The following PSD3 variants were observed in gnomAD, a reference collection of about 807,000 sequenced individuals.
PSD3 encodes pleckstrin and Sec7 domain containing 3, also known as PH and SEC7 domain-containing protein 3.
A neutral mutation model predicts 105.5 loss-of-function variants in PSD3; 49 were observed. The ratio of observed to expected loss-of-function variants is 0.46; its 90% CI spans 0.37 to 0.59. PSD3 has a LOEUF of 0.59. Among genes scored for constraint, PSD3 ranks in the 20% least tolerant of loss-of-function variants. The pLI, the probability that PSD3 is intolerant of heterozygous loss-of-function variation, is 0.00. For synonymous variants in PSD3, 557 were observed against 457.8 expected (o/e 1.22, Z -2.77); for missense variants, 1,561 against 1,263.8 (o/e 1.24, Z -3.57).
At chr8:18,803,825 T>A (rs566237491) in intron 6 of PSD3, among the ~76,000 whole-genome samples, 1 of 152,114 alleles carries the variant, frequency 6.6e-6, no homozygotes, top group South Asian at 2.1e-4. Flanking sequence ...GAGCTTCAGT[T>A]TTACAAGAAG....
chr8:18,983,087 T>C (rs1004986451), intron 1 of PSD3, among the ~76,000 whole-genome samples: 1 of 152,252 alleles, frequency 6.6e-6, no homozygotes, highest in Non-Finnish European at 1.5e-5. Flanking sequence ...AATAACTTGA[T>C]GCAGCTTCTA....
chr8:18,795,245 T>C lies in PSD3; in HGVS notation c.2082+4050A>G, dbSNP rs117918932. Among the ~76,000 whole-genome samples the C allele has an allele frequency of 1.6e-3, 245 of 152,272 alleles. 1 individual carries two copies. The highest frequency in any genetic ancestry group is 0.011 in the South Asian group (51 of 4,820). ...ACATTAGTAAGGTCGTGCCTGATCATTAAACTCAGACCACAGGGCATGATA... is the reference window on the plus strand; with the variant it reads ...ACATTAGTAAGGTCGTGCCTGATCACTAAACTCAGACCACAGGGCATGATA... On this transcript the variant is annotated intron_variant, in intron 8 of 15. Transcript: ENST00000327040.
intron 1 of PSD3, among the ~76,000 whole-genome samples, chr8:18,963,820 T>C (rs560755787): frequency 6.6e-5 from 10 of 152,204 alleles, no homozygotes; most frequent in Non-Finnish European, 1.5e-4. Flanking sequence ...AAATATGTCA[T>C]TGAAAAGAGT....
chr8:18,615,624 T>C (rs573981825), intron 11 of PSD3, among the ~76,000 whole-genome samples: 12 of 152,362 alleles, frequency 7.9e-5, no homozygotes, highest in African/African-American at 2.9e-4. Flanking sequence ...AAATCAAGCA[T>C]ACTATGATTT....
At chr8:18,743,943 G>C (rs1327295810) in intron 9 of PSD3, among the ~76,000 whole-genome samples, 4 of 134,998 alleles carry the variant, frequency 3.0e-5, no homozygotes, top group Admixed American at 7.7e-5. Flanking sequence ...CTGGGTGAAA[G>C]TGCAAACTCT....
intron 4 of PSD3, among the ~76,000 whole-genome samples, chr8:18,818,044 C>A (rs1812364850): frequency 6.6e-6 from 1 of 152,168 alleles, no homozygotes; most frequent in African/African-American, 2.4e-5. Flanking sequence ...ACCTCTGCCT[C>A]CCCGGTTCAA....
chr8:18,959,163 C>T (rs1205791208), intron 1 of PSD3, among the ~76,000 whole-genome samples: 3 of 152,162 alleles, frequency 2.0e-5, no homozygotes, highest in Non-Finnish European at 2.9e-5. Context: ...TCAAGTGACC[C>T]GCCCGACTCG....
chr8:18,926,352 A>G (rs1821361368), intron 2 of PSD3, among the ~76,000 whole-genome samples: 1 of 151,518 alleles, frequency 6.6e-6, no homozygotes, highest in Non-Finnish European at 1.5e-5. Context: ...ATTATAAAAC[A>G]AATGAATTTC....
At chr8:19,070,848 A>G (rs952209618) in intron 1 of PSD3, among the ~76,000 whole-genome samples, 3 of 152,224 alleles carry the variant, frequency 2.0e-5, no homozygotes, top group African/African-American at 4.8e-5. Context: ...AGGACATTGT[A>G]TCCAGATAAT....
At chr8:18,567,435 T>C (rs1176245646) in intron 14 of PSD3, among the ~76,000 whole-genome samples, 1 of 152,182 alleles carries the variant, frequency 6.6e-6, no homozygotes, top group East Asian at 1.9e-4. Flanking sequence ...TTTAGTTGGA[T>C]AGATGGAGAT....
At chr8:18,989,798 C>T (rs187241485) in intron 1 of PSD3, among the ~76,000 whole-genome samples, 1 of 152,292 alleles carries the variant, frequency 6.6e-6, no homozygotes, top group Admixed American at 6.5e-5. Flanking sequence ...TATGCCCAAC[C>T]AAGTGGCTAT....
intron 1 of PSD3, among the ~76,000 whole-genome samples, chr8:18,937,580 C>T (rs547630550): frequency 6.6e-6 from 1 of 152,190 alleles, no homozygotes; most frequent in South Asian, 2.1e-4. Context: ...GCACAACATT[C>T]AGACAGCAAT....
chr8:18,942,425 A>T (rs1822605721), intron 1 of PSD3, among the ~76,000 whole-genome samples: 1 of 152,212 alleles, frequency 6.6e-6, no homozygotes, highest in South Asian at 2.1e-4. Context: ...AGACAGGGAC[A>T]AGAAGCTCAA....
At chr8:18,815,753 C>A (rs558610283) in intron 4 of PSD3, among the ~76,000 whole-genome samples, 60 of 123,040 alleles carry the variant, frequency 4.9e-4, no homozygotes, top group African/African-American at 1.8e-3. Flanking sequence ...CATGGCCGTA[C>A]GGTCTCACCT....
chr8:19,059,743 G>C (rs1828833557), intron 1 of PSD3, among the ~76,000 whole-genome samples: 1 of 152,230 alleles, frequency 6.6e-6, no homozygotes, highest in South Asian at 2.1e-4. Context: ...TAAAGATAAA[G>C]GAGACAGGAA....
At chr8:19,059,940 G>A (rs763135890) in intron 1 of PSD3, among the ~76,000 whole-genome samples, 4 of 152,328 alleles carry the variant, frequency 2.6e-5, no homozygotes, top group Admixed American at 6.5e-5. Flanking sequence ...CAGCAATGGG[G>A]CAGGACTTGG....
intron 9 of PSD3, among the ~76,000 whole-genome samples, chr8:18,656,985 G>T (rs766783988): frequency 6.6e-6 from 1 of 152,178 alleles, no homozygotes; most frequent in Non-Finnish European, 1.5e-5. Context: ...AGAACGGTAT[G>T]CATAACAATA....
chr8:18,944,216 A>G (rs1822723355), intron 1 of PSD3, among the ~76,000 whole-genome samples: 1 of 152,154 alleles, frequency 6.6e-6, no homozygotes, highest in East Asian at 1.9e-4. Flanking sequence ...CCAATTACAG[A>G]TCACATTCAC....
chr8:19,033,632 T>C (rs988980658), intron 1 of PSD3, among the ~76,000 whole-genome samples: 3 of 151,914 alleles, frequency 2.0e-5, no homozygotes, highest in African/African-American at 7.3e-5. Context: ...ATTTTCTCAT[T>C]CCCTTTTCCC....
Sources: allele counts gnomAD v4.1 joint callset (sites outside exome capture counted in the v4.1 genomes callset), GRCh38; gene constraint gnomAD v4.1.1; transcripts MANE v1.5; gene names NCBI Gene and HGNC (gene_info 2026-07-23, HGNC 2026-07-21).